Variants in NSMCE2 observed in about 807,000 individuals in gnomAD.
The protein encoded by NSMCE2 is E3 SUMO-protein ligase NSE2.
A neutral mutation model predicts 23.8 loss-of-function variants in NSMCE2; 24 were observed. That is an observed-to-expected ratio of 1.01 (90% confidence interval 0.73 to 1.42). The LOEUF (loss-of-function observed/expected upper bound fraction) is 1.42. NSMCE2 is among the 40% of genes most tolerant of loss of function. The pLI is 0.00. For missense variants in NSMCE2, 284 were observed against 296.5 expected (o/e 0.96, Z 0.31); for synonymous variants, 92 against 94.1 (o/e 0.98, Z 0.13).
intron 5 of NSMCE2, among the ~76,000 whole-genome samples, chr8:125,241,129 T>C (rs938905938): frequency 6.6e-6 from 1 of 152,224 alleles, no homozygotes; most frequent in Non-Finnish European, 1.5e-5. Flanking sequence ...CCAATGAGCA[T>C]TTCCTTTGAG....
chr8:125,183,553 A>T (rs1162996871), intron 5 of NSMCE2, among the ~76,000 whole-genome samples: 1 of 152,130 alleles, frequency 6.6e-6, no homozygotes, highest in Non-Finnish European at 1.5e-5. Flanking sequence ...TTGTATAGCC[A>T]TGAGAATTAG....
At chr8:125,144,522 A>G (rs921930089) in intron 3 of NSMCE2, among the ~76,000 whole-genome samples, 7 of 152,216 alleles carry the variant, frequency 4.6e-5, no homozygotes, top group Admixed American at 2.6e-4. Flanking sequence ...TCATGAGTCC[A>G]TGCTGTGCTA....
At chr8:125,359,328 C>A in intron 7 of NSMCE2, among the ~76,000 whole-genome samples, 1 of 123,522 alleles carries the variant, frequency 8.1e-6, no homozygotes, top group East Asian at 2.4e-4. Context: ...CTTGCTCTTT[C>A]TCTTTTTTTT....
At chr8:125,142,730 G>A (rs1241362164) in intron 3 of NSMCE2, among the ~76,000 whole-genome samples, 3 of 151,992 alleles carry the variant, frequency 2.0e-5, no homozygotes, top group East Asian at 1.9e-4. Flanking sequence ...CCAGGCTCCC[G>A]AGTAGCTGGA....
chr8:125,136,835 CAATT>C (rs1820092357), intron 3 of NSMCE2, among the ~76,000 whole-genome samples: 1 of 151,824 alleles, frequency 6.6e-6, no homozygotes, highest in Non-Finnish European at 1.5e-5. Flanking sequence ...TGATTTCAGT[CAATT>C]AAATTGAAAA....
intron 4 of NSMCE2, among the ~76,000 whole-genome samples, chr8:125,164,610 G>GT (rs1313688892): frequency 2.0e-5 from 3 of 152,116 alleles, no homozygotes; most frequent in African/African-American, 7.2e-5. Flanking sequence ...AAAGAATACT[G>GT]TTATATGTAA....
chr8:125,358,365 C>G (rs1424075769), intron 7 of NSMCE2, among the ~76,000 whole-genome samples: 1 of 151,170 alleles, frequency 6.6e-6, no homozygotes, highest in African/African-American at 2.4e-5. Flanking sequence ...AAATTCATGG[C>G]TAACTCATGA....
At chr8:125,336,662 T>C (rs1014082762) in intron 5 of NSMCE2, among the ~76,000 whole-genome samples, 3 of 152,244 alleles carry the variant, frequency 2.0e-5, no homozygotes, top group African/African-American at 2.4e-5. Flanking sequence ...TCATCTGCCA[T>C]GTGTGGCATT....
chr8:125,153,910 G>A (rs188487898), intron 4 of NSMCE2, among the ~76,000 whole-genome samples: 15 of 152,204 alleles, frequency 9.9e-5, no homozygotes, highest in Non-Finnish European at 1.9e-4. Context: ...CTTTATTTCA[G>A]GGTATTTTTT....
At chr8:125,274,125 C>A (rs373159805) in intron 5 of NSMCE2, among the ~76,000 whole-genome samples, 13 of 152,278 alleles carry the variant, frequency 8.5e-5, no homozygotes, top group African/African-American at 2.9e-4. Context: ...ACTCTGCACC[C>A]ACTCTCCACT....
chr8:125,190,183 C>T (rs1447215224), intron 5 of NSMCE2, among the ~76,000 whole-genome samples: 1 of 152,214 alleles, frequency 6.6e-6, no homozygotes, highest in Non-Finnish European at 1.5e-5. Context: ...TCTCCTCTTT[C>T]CTCCTCTCTG....
chr8:125,324,169 C>T (rs747936592), intron 5 of NSMCE2, among the ~76,000 whole-genome samples: 6 of 152,000 alleles, frequency 3.9e-5, no homozygotes, highest in Admixed American at 6.6e-5. Flanking sequence ...TTTAAAAACA[C>T]GACAAAAACT....
chr8:125,268,303 A>G (rs1827029548), intron 5 of NSMCE2, among the ~76,000 whole-genome samples: 1 of 152,094 alleles, frequency 6.6e-6, no homozygotes, highest in Non-Finnish European at 1.5e-5. Context: ...AAGGAAAGGA[A>G]AGTTGTGACG....
intron 5 of NSMCE2, among the ~76,000 whole-genome samples, chr8:125,350,707 T>C (rs866006992): frequency 6.6e-6 from 1 of 152,318 alleles, no homozygotes; most frequent in East Asian, 1.9e-4. Context: ...GTGAGACTTA[T>C]TGACTATCAC....
intron 5 of NSMCE2, among the ~76,000 whole-genome samples, chr8:125,336,062 A>G (rs1684081289): frequency 6.6e-6 from 1 of 152,188 alleles, no homozygotes; most frequent in Non-Finnish European, 1.5e-5. Context: ...AAGGGAGAAG[A>G]GTAGGGAAAG....
chr8:125,195,310 C>A (rs192371695), intron 5 of NSMCE2, among the ~76,000 whole-genome samples: 5 of 152,084 alleles, frequency 3.3e-5, no homozygotes, highest in Admixed American at 6.5e-5. Flanking sequence ...GTTCTCCTGG[C>A]AATGCTAATG....
chr8:125,286,315 A>G (rs60324416), intron 5 of NSMCE2, among the ~76,000 whole-genome samples: 17 of 148,358 alleles, frequency 1.1e-4, no homozygotes, highest in African/African-American at 4.0e-4. Flanking sequence ...CCTTTTATTT[A>G]TTTTTTTTTT....
At chr8:125,349,560 G>T (rs1479476786) in intron 5 of NSMCE2, among the ~76,000 whole-genome samples, 3 of 145,202 alleles carry the variant, frequency 2.1e-5, no homozygotes, top group African/African-American at 5.1e-5. Flanking sequence ...ACCAGCCTCA[G>T]CAACATAGTG....
intron 5 of NSMCE2, among the ~76,000 whole-genome samples, chr8:125,305,336 CT>C (rs1167062312): frequency 1.3e-5 from 2 of 152,170 alleles, no homozygotes; most frequent in East Asian, 3.8e-4. Flanking sequence ...ATATAGCTAG[CT>C]AGTCAGTGTC....
Sources: gnomAD v4.1 joint callset for allele counts (sites outside exome capture counted in the v4.1 genomes callset) on GRCh38, gnomAD v4.1.1 for gene constraint, MANE v1.5 for transcripts, NCBI Gene and HGNC (gene_info 2026-07-23, HGNC 2026-07-21) for gene names.